CALN1: variants seen among roughly 807,000 people sequenced by gnomAD.
CALN1 encodes calcium-binding protein 8.
CALN1 carries 17 observed loss-of-function variants against 30.6 expected under a neutral mutation model. The observed-to-expected ratio is 0.56, with a 90% CI of 0.38 to 0.83. The LOEUF is 0.83. Among genes scored for constraint, CALN1 ranks in the 40% least tolerant of loss-of-function variants. The pLI is 0.00. For synonymous variants in CALN1, 156 were observed against 131.4 expected (o/e 1.19, Z -1.28); for missense variants, 291 against 354.9 (o/e 0.82, Z 1.45).
intron 5 of CALN1, among the ~76,000 whole-genome samples, chr7:71,996,736 G>A (rs1272650758): frequency 2.6e-5 from 4 of 152,094 alleles, no homozygotes; most frequent in African/African-American, 9.7e-5. Flanking sequence ...GTTTACCTAT[G>A]TAACAAACCT....
At chr7:72,315,374 T>C (rs570548194) in intron 2 of CALN1, among the ~76,000 whole-genome samples, 42 of 152,164 alleles carry the variant, frequency 2.8e-4, no homozygotes, top group African/African-American at 9.6e-4. Context: ...AATAAGTATA[T>C]GAAAACAAAA....
chr7:72,094,322 T>G (rs1026053912), intron 4 of CALN1, among the ~76,000 whole-genome samples: 1 of 152,140 alleles, frequency 6.6e-6, no homozygotes, highest in African/African-American at 2.4e-5. Context: ...TGGCACAATC[T>G]CAGCTCACTG....
intron 3 of CALN1, among the ~76,000 whole-genome samples, chr7:72,116,646 A>G (rs1186240730): frequency 6.6e-6 from 1 of 152,178 alleles, no homozygotes; most frequent in Non-Finnish European, 1.5e-5. Context: ...AGCTGCAAGT[A>G]TTAATCTGGA....
At chr7:72,047,735 C>G (rs1440664385) in intron 4 of CALN1, among the ~76,000 whole-genome samples, 1 of 152,096 alleles carries the variant, frequency 6.6e-6, no homozygotes, top group Non-Finnish European at 1.5e-5. Flanking sequence ...AAATATTTAC[C>G]CAAACCCATG....
intron 2 of CALN1, among the ~76,000 whole-genome samples, chr7:72,328,965 G>T (rs1366860886): frequency 6.6e-6 from 1 of 152,260 alleles, no homozygotes; most frequent in Non-Finnish European, 1.5e-5. Context: ...CCAAAGTGCT[G>T]GGATTACAGG....
At chr7:71,976,065 C>T (rs946160327) in intron 5 of CALN1, among the ~76,000 whole-genome samples, 1 of 151,862 alleles carries the variant, frequency 6.6e-6, no homozygotes, top group East Asian at 2.0e-4. Context: ...TCCAACCATT[C>T]ACACCAGACT....
intron 3 of CALN1, among the ~76,000 whole-genome samples, chr7:72,173,715 A>C (rs899658389): frequency 6.6e-6 from 1 of 152,190 alleles, no homozygotes; most frequent in Non-Finnish European, 1.5e-5. Context: ...TTAATAAATG[A>C]TGCTAGAATG....
At chr7:72,400,372 G>A (rs1585665127) in intron 2 of CALN1, among the ~76,000 whole-genome samples, 2 of 152,214 alleles carry the variant, frequency 1.3e-5, no homozygotes, top group South Asian at 4.1e-4. Context: ...CTATTTGACA[G>A]GAATCATCTT....
rs141625626 is a variant in CALN1 at position 72,377,125 on chromosome 7, C to A, written c.119+26126G>T. 4.5e-3 allele frequency among the ~76,000 whole-genome samples: 692 copies of A among 152,224 alleles called. 3 individuals are homozygous for A. The highest frequency in any genetic ancestry group is 0.031 in the Middle Eastern group (9 of 294). On this transcript the variant is annotated intron_variant, in intron 2 of 6. Transcript: ENST00000395275. Reference sequence around the variant, plus strand: ...TAAGTTTTGAAATCAGAAAGTGAGTCCTCCAACGTTTTTCTCCTTTTTCAG... The same window carrying A: ...TAAGTTTTGAAATCAGAAAGTGAGTACTCCAACGTTTTTCTCCTTTTTCAG...
intron 2 of CALN1, among the ~76,000 whole-genome samples, chr7:72,383,574 G>A (rs886269933): frequency 6.6e-6 from 1 of 152,146 alleles, no homozygotes; most frequent in Non-Finnish European, 1.5e-5. Flanking sequence ...GGCCCTATGG[G>A]ATGCCGTCTT....
At chr7:72,432,915 A>G (rs1333485902) in intron 1 of CALN1, among the ~76,000 whole-genome samples, 3 of 152,176 alleles carry the variant, frequency 2.0e-5, no homozygotes, top group African/African-American at 7.2e-5. Context: ...TGCATTACAT[A>G]TTCATGTAAT....
At chr7:72,017,444 G>GAT (rs1433670187) in intron 5 of CALN1, among the ~76,000 whole-genome samples, 1 of 152,092 alleles carries the variant, frequency 6.6e-6, no homozygotes, top group Non-Finnish European at 1.5e-5. Context: ...ACCAAATTGG[G>GAT]GAACGAGTAC....
At chr7:72,049,395 T>C (rs114548274) in intron 4 of CALN1, among the ~76,000 whole-genome samples, 268 of 152,348 alleles carry the variant, frequency 1.8e-3, no homozygotes, top group African/African-American at 6.0e-3. Flanking sequence ...AAGACTTTCA[T>C]GTGCTATCAA....
rs747540663 is a variant in CALN1 at position 72,278,677 on chromosome 7, G to T, written c.244+9C>A. On this transcript the variant is annotated intron_variant, in intron 3 of 6. Coordinates refer to ENST00000395275, the MANE Select transcript of CALN1 (RefSeq NM_031468.4). Reference sequence around the variant, plus strand: ...GGGGCCATCCCCCCAAACAGGGTAGGCTCCTTACCATCGAGCTCCTCCACG... The same window carrying T: ...GGGGCCATCCCCCCAAACAGGGTAGTCTCCTTACCATCGAGCTCCTCCACG... The T allele has an allele frequency of 6.2e-7, 1 of 1,611,356 alleles. No homozygotes were observed. The highest frequency in any genetic ancestry group is 8.5e-7 in the Non-Finnish European group (1 of 1,177,960).
chr7:72,229,370 A>C (rs1475293980), intron 3 of CALN1, among the ~76,000 whole-genome samples: 1 of 152,082 alleles, frequency 6.6e-6, no homozygotes, highest in African/African-American at 2.4e-5. Context: ...CTGTAATCCC[A>C]GCACTTGGGA....
chr7:72,459,459 T>C, the CALN1 span, among the ~76,000 whole-genome samples: 6 of 152,122 alleles, frequency 3.9e-5, no homozygotes, highest in African/African-American at 1.2e-4. Flanking sequence ...ACTGCATATC[T>C]GCCTGCAGAG....
At chr7:72,253,242 G>T (rs568297355) in intron 3 of CALN1, among the ~76,000 whole-genome samples, 2 of 152,252 alleles carry the variant, frequency 1.3e-5, no homozygotes, top group East Asian at 1.9e-4. Context: ...GCAAATTTTT[G>T]ATCATTTTAT....
intron 3 of CALN1, among the ~76,000 whole-genome samples, chr7:72,172,708 A>G (rs1205768186): frequency 6.6e-6 from 1 of 152,246 alleles, no homozygotes; most frequent in Non-Finnish European, 1.5e-5. Context: ...CATTTCAATG[A>G]CTGTAGAAAA....
intron 3 of CALN1, 87 bp from the exon 4 acceptor site, chr7:72,106,381 C>T: frequency 6.6e-7 from 1 of 1,512,040 alleles, no homozygotes; most frequent in Admixed American, 1.8e-5. Context: ...CTGAGAACTC[C>T]TAACTGCTTT....
Sources: allele counts gnomAD v4.1 joint callset (sites outside exome capture counted in the v4.1 genomes callset), GRCh38; gene constraint gnomAD v4.1.1; transcripts MANE v1.5; gene names NCBI Gene and HGNC (gene_info 2026-07-23, HGNC 2026-07-21).